Variants in ESRRG observed in about 807,000 individuals in gnomAD.
The protein encoded by ESRRG is estrogen-related receptor gamma.
In ESRRG, 13 loss-of-function variants were observed where a neutral mutation model predicts 44.0. The observed-to-expected ratio is 0.30, with a 90% CI of 0.19 to 0.47. The LOEUF is 0.47. Among genes scored for constraint, ESRRG ranks in the 20% least tolerant of loss-of-function variants. The probability of loss-of-function intolerance (pLI) is 1.00; values close to 1 mark genes in which losing one functional copy is unlikely to be tolerated. For synonymous variants in ESRRG, 215 were observed against 214.6 expected (o/e 1.00, Z -0.02); for missense variants, 395 against 580.6 (o/e 0.68, Z 3.29).
At chr1:216,956,807 G>GGT (rs2068042589) in intron 1 of ESRRG, among the ~76,000 whole-genome samples, 1 of 151,878 alleles carries the variant, frequency 6.6e-6, no homozygotes, top group Non-Finnish European at 1.5e-5. Flanking sequence ...AGGTTCGCAT[G>GGT]AACAATTCCT....
At chr1:216,751,255 T>C (rs530517775) in intron 2 of ESRRG, among the ~76,000 whole-genome samples, 174 of 152,252 alleles carry the variant, frequency 1.1e-3, no homozygotes, top group Non-Finnish European at 1.8e-3. Context: ...GCTAGATTAG[T>C]GAGGCTGTTG....
chr1:216,938,316 C>A (rs1320391441), intron 2 of ESRRG, among the ~76,000 whole-genome samples: 1 of 152,100 alleles, frequency 6.6e-6, no homozygotes, highest in African/African-American at 2.4e-5. Flanking sequence ...ACCTGTAGTC[C>A]GTGAGAAGTA....
chr1:216,737,813 G>A lies in ESRRG; in HGVS notation c.-13-60322C>T, dbSNP rs1159160950. 3.3e-5 allele frequency among the ~76,000 whole-genome samples: 5 copies of A among 151,474 alleles called. No homozygotes were observed. In the East Asian group the frequency reaches 5.8e-4, roughly 18 times the overall value. ...AACAATAAACTTATCTGCTTACTCA[G>A]TAAGATTGTTATGAAAACAAATAAG... On this transcript the variant is annotated intron_variant, in intron 2 of 7. Coordinates refer to the ESRRG transcript ENST00000359162.
chr1:216,758,775 G>T (rs1162418148), intron 2 of ESRRG, among the ~76,000 whole-genome samples: 1 of 151,930 alleles, frequency 6.6e-6, no homozygotes, highest in Non-Finnish European at 1.5e-5. Context: ...GAAAGTCAAA[G>T]AATTCAGGGG....
intron 2 of ESRRG, among the ~76,000 whole-genome samples, chr1:216,925,768 T>C (rs1485898437): frequency 1.3e-5 from 2 of 151,854 alleles, no homozygotes; most frequent in African/African-American, 4.8e-5. Context: ...CTGTCCAACA[T>C]GGCAAAACCC....
chr1:216,774,354 C>T (rs552971191), intron 2 of ESRRG, among the ~76,000 whole-genome samples: 15 of 152,202 alleles, frequency 9.9e-5, no homozygotes, highest in African/African-American at 3.6e-4. Context: ...GAGTGCTGCT[C>T]ATGTCATGGA....
At position 216,979,212 on chromosome 1, in the gene ESRRG, A is replaced by G. The variant is rs11572457; in HGVS notation, c.-105-39539T>C. On this transcript the variant is annotated intron_variant, in intron 1 of 7. Coordinates refer to the ESRRG transcript ENST00000359162. ...TTCTTCTGCCCCAGTTCCTCAGACT[A>G]TGGTATGGACATGTTGAAAAAGACT... is the stretch of plus-strand genomic sequence containing the variant. Among the ~76,000 whole-genome samples, 683 of 152,162 alleles carry G rather than the reference A, an allele frequency of 4.5e-3. 4 individuals are homozygous for G. The highest frequency in any genetic ancestry group is 0.016 in the African/African-American group (659 of 41,502).
intron 5 of ESRRG, among the ~76,000 whole-genome samples, chr1:216,532,666 T>A (rs1373759371): frequency 6.6e-6 from 1 of 152,136 alleles, no homozygotes; most frequent in African/African-American, 2.4e-5. Flanking sequence ...AGGGACTAAA[T>A]GCCTCAACAA....
At chr1:216,696,005 G>A (rs2080085918) in intron 1 of ESRRG, among the ~76,000 whole-genome samples, 1 of 152,160 alleles carries the variant, frequency 6.6e-6, no homozygotes, top group Non-Finnish European at 1.5e-5. Context: ...TAGATGCTTG[G>A]ATGATTCTCT....
At chr1:216,940,902 T>C (rs1389228597) in intron 1 of ESRRG, among the ~76,000 whole-genome samples, 1 of 152,218 alleles carries the variant, frequency 6.6e-6, no homozygotes, top group African/African-American at 2.4e-5. Context: ...GCTATTTGAA[T>C]ACTAGAAAAC....
intron 6 of ESRRG, among the ~76,000 whole-genome samples, chr1:216,512,627 G>A (rs1229620061): frequency 6.6e-6 from 1 of 152,190 alleles, no homozygotes; most frequent in Admixed American, 6.5e-5. Flanking sequence ...CAAGACACTT[G>A]AAGGGCTTTC....
chr1:216,558,956 G>A (rs1192895527), intron 5 of ESRRG, among the ~76,000 whole-genome samples: 2 of 151,700 alleles, frequency 1.3e-5, no homozygotes, highest in African/African-American at 2.4e-5. Context: ...TGCAACCTCC[G>A]CCTCCTGGGT....
chr1:217,131,053 T>C (rs376712341), intron 1 of ESRRG, among the ~76,000 whole-genome samples: 21 of 152,204 alleles, frequency 1.4e-4, no homozygotes, highest in African/African-American at 4.8e-4. Context: ...TTTAAACACA[T>C]ACTTGTTAAA....
At chr1:217,073,262 A>C (rs2090840914) in intron 1 of ESRRG, among the ~76,000 whole-genome samples, 2 of 150,188 alleles carry the variant, frequency 1.3e-5, no homozygotes, top group Admixed American at 1.3e-4. Flanking sequence ...TTCTACATGC[A>C]ACTGCCAAAA....
At chr1:216,963,825 G>GTCTC (rs1343232931) in intron 1 of ESRRG, among the ~76,000 whole-genome samples, 1 of 152,082 alleles carries the variant, frequency 6.6e-6, no homozygotes, top group Non-Finnish European at 1.5e-5. Context: ...GCCTCAAAGT[G>GTCTC]TCTCGGTCTA....
At chr1:216,589,004 C>T (rs2057188447) in intron 3 of ESRRG, among the ~76,000 whole-genome samples, 1 of 152,066 alleles carries the variant, frequency 6.6e-6, no homozygotes, top group Admixed American at 6.6e-5. Flanking sequence ...AATGCCAAAA[C>T]TCAGATTTTA....
chr1:216,555,463 T>G (rs540456047), intron 5 of ESRRG, among the ~76,000 whole-genome samples: 1 of 152,036 alleles, frequency 6.6e-6, no homozygotes, highest in Admixed American at 6.6e-5. Flanking sequence ...CCAGCTATTA[T>G]ATGCACAAAA....
chr1:216,561,727 A>G (rs997336171), intron 5 of ESRRG, among the ~76,000 whole-genome samples: 3 of 151,854 alleles, frequency 2.0e-5, no homozygotes, highest in Non-Finnish European at 4.4e-5. Flanking sequence ...ATTTCTGTTA[A>G]CTCTTGTTTT....
chr1:216,672,724 T>C (rs2075418503), intron 2 of ESRRG, among the ~76,000 whole-genome samples: 1 of 151,752 alleles, frequency 6.6e-6, no homozygotes, highest in Non-Finnish European at 1.5e-5. Context: ...AAAAATTAGG[T>C]AGGCATGGTA....
Sources: gnomAD v4.1 joint callset for allele counts (sites outside exome capture counted in the v4.1 genomes callset) on GRCh38, gnomAD v4.1.1 for gene constraint, MANE v1.5 for transcripts, NCBI Gene and HGNC (gene_info 2026-07-23, HGNC 2026-07-21) for gene names.